The following FLRT1 variants were observed in gnomAD, a reference collection of about 807,000 sequenced individuals.
FLRT1 encodes leucine-rich repeat transmembrane protein FLRT1.
Under a neutral mutation model 30.9 loss-of-function variants are expected in FLRT1, and 14 were observed. The ratio of observed to expected loss-of-function variants is 0.45; its 90% CI spans 0.30 to 0.71. The LOEUF is 0.71. Ranked by LOEUF, FLRT1 falls within the 30% of genes least tolerant of loss-of-function variation. The pLI is 0.08. For missense variants in FLRT1, 737 were observed against 949.2 expected (o/e 0.78, Z 2.94); for synonymous variants, 368 against 430.4 (o/e 0.85, Z 1.80).
intron 2 of FLRT1, among the ~76,000 whole-genome samples, chr11:64,108,822 G>A (rs1944809707): frequency 6.6e-6 from 1 of 152,210 alleles, no homozygotes; most frequent in East Asian, 1.9e-4. Context: ...CCCCACCTGG[G>A]GGCTGGGAAG....
intron 1 of FLRT1, among the ~76,000 whole-genome samples, chr11:64,102,147 A>G (rs969549437): frequency 6.6e-6 from 1 of 152,234 alleles, no homozygotes. Context: ...TCTGATTTCA[A>G]ACCAGAGTGA....
chr11:64,100,276 T>C (rs565651649), intron 1 of FLRT1, among the ~76,000 whole-genome samples: 4 of 152,146 alleles, frequency 2.6e-5, no homozygotes, highest in African/African-American at 4.8e-5. Context: ...AGATGTGAGA[T>C]TGGGCACTTG....
chr11:64,087,631 C>T (rs1473161761), intron 1 of FLRT1, among the ~76,000 whole-genome samples: 1 of 152,232 alleles, frequency 6.6e-6, no homozygotes, highest in Non-Finnish European at 1.5e-5. Flanking sequence ...GCGGCCCCAG[C>T]CACCCTGCAG....
intron 1 of FLRT1, among the ~76,000 whole-genome samples, chr11:64,044,762 A>T (rs1456236859): frequency 6.6e-6 from 1 of 152,070 alleles, no homozygotes; most frequent in Non-Finnish European, 1.5e-5. Context: ...GGTATCTGTC[A>T]TGCTCCCCCC....
chr11:64,069,265 C>T (rs765995525), intron 1 of FLRT1, among the ~76,000 whole-genome samples: 4 of 152,236 alleles, frequency 2.6e-5, no homozygotes, highest in Non-Finnish European at 5.9e-5. Context: ...ACACCGGAGA[C>T]AGCTCTGAAC....
chr11:64,096,160 G>A lies in FLRT1; in HGVS notation c.-1037-7034G>A, dbSNP rs529273998. 1.4e-3 allele frequency among the ~76,000 whole-genome samples: 220 copies of A among 152,372 alleles called. No individual in the cohort carries two copies. Among genetic ancestry groups the A allele is most frequent in the African/African-American group, 4.9e-3 (205 of 41,598 alleles). Reference sequence around the variant, plus strand: ...GGCCAGGAGGGGACCAGGGCTGCCCGCCGGCTCCACCACCTGCCTTGGCCA... The same window carrying A: ...GGCCAGGAGGGGACCAGGGCTGCCCACCGGCTCCACCACCTGCCTTGGCCA... On this transcript the variant is annotated intron_variant, in intron 1 of 2. Coordinates refer to ENST00000682287, the MANE Select transcript of FLRT1 (RefSeq NM_013280.5). The surrounding 1 kb of genome is among the most constrained non-coding windows in gnomAD (Gnocchi z 4.6).
intron 1 of FLRT1, among the ~76,000 whole-genome samples, chr11:64,095,530 T>C (rs947383288): frequency 6.6e-6 from 1 of 152,188 alleles, no homozygotes; most frequent in Non-Finnish European, 1.5e-5. Context: ...AGAGGGCACC[T>C]GTCCCTGGGG....
chr11:64,066,956 C>T (rs527852046), intron 1 of FLRT1, among the ~76,000 whole-genome samples: 9 of 152,302 alleles, frequency 5.9e-5, no homozygotes, highest in Admixed American at 3.9e-4. Context: ...CAGTGCGCTA[C>T]GGAGGGTCAC....
intron 1 of FLRT1, among the ~76,000 whole-genome samples, chr11:64,047,282 TG>T: frequency 6.6e-6 from 1 of 151,960 alleles, no homozygotes; most frequent in South Asian, 2.1e-4. Context: ...CCGAGATAAA[TG>T]GCTTTCTTTG....
intron 1 of FLRT1, among the ~76,000 whole-genome samples, chr11:64,073,372 A>G (rs1164767754): frequency 6.6e-6 from 1 of 152,154 alleles, no homozygotes; most frequent in African/African-American, 2.4e-5. Context: ...AGCCCAGACC[A>G]GACTTGGGGG....
intron 1 of FLRT1, among the ~76,000 whole-genome samples, chr11:64,089,246 C>T (rs1192081428): frequency 1.3e-5 from 2 of 152,144 alleles, no homozygotes; most frequent in Non-Finnish European, 2.9e-5. Flanking sequence ...GCCCCGGGCT[C>T]TGGGTGGGGG....
chr11:64,069,797 C>T (rs1023823338), intron 1 of FLRT1, among the ~76,000 whole-genome samples: 2 of 152,204 alleles, frequency 1.3e-5, no homozygotes, highest in African/African-American at 4.8e-5. Context: ...CCACTGCAGA[C>T]GCAGCAGACG....
intron 1 of FLRT1, among the ~76,000 whole-genome samples, chr11:64,047,044 C>T (rs559112661): frequency 1.3e-5 from 2 of 152,176 alleles, no homozygotes; most frequent in Non-Finnish European, 2.9e-5. Flanking sequence ...CCCCAGTGCC[C>T]CCCCCGGCTA....
chr11:64,105,207 C>T (rs1238371269), intron 2 of FLRT1, among the ~76,000 whole-genome samples: 1 of 152,206 alleles, frequency 6.6e-6, no homozygotes, highest in Non-Finnish European at 1.5e-5. Flanking sequence ...CGTGCCTGAG[C>T]CGGAGCTGGG....
chr11:64,099,939 G>A (rs1944642693), intron 1 of FLRT1, among the ~76,000 whole-genome samples: 1 of 152,294 alleles, frequency 6.6e-6, no homozygotes, highest in African/African-American at 2.4e-5. Context: ...GTGCACAAGA[G>A]AGCCTCAGGA....
At chr11:64,101,770 T>G (rs1944675717) in intron 1 of FLRT1, among the ~76,000 whole-genome samples, 1 of 152,226 alleles carries the variant, frequency 6.6e-6, no homozygotes, top group Non-Finnish European at 1.5e-5. Context: ...CCAGGGCCTG[T>G]GCCCCACCTG....
At chr11:64,056,090 G>C (rs1943780428) in intron 1 of FLRT1, among the ~76,000 whole-genome samples, 1 of 152,218 alleles carries the variant, frequency 6.6e-6, no homozygotes, top group African/African-American at 2.4e-5. Context: ...GGAGGAGGAA[G>C]GGAGCTTGGA....
At chr11:64,076,377 C>T (rs1032431854) in intron 1 of FLRT1, among the ~76,000 whole-genome samples, 3 of 152,100 alleles carry the variant, frequency 2.0e-5, no homozygotes, top group African/African-American at 7.2e-5. Flanking sequence ...GCCTGGAGAC[C>T]GTGATTGTCT....
intron 1 of FLRT1, among the ~76,000 whole-genome samples, chr11:64,040,474 C>G (rs1943463922): frequency 1.3e-5 from 2 of 152,156 alleles, no homozygotes; most frequent in African/African-American, 4.8e-5. Flanking sequence ...TGTGGCCCAT[C>G]CATCCCCAGC....
Sources: gnomAD v4.1 joint callset for allele counts (sites outside exome capture counted in the v4.1 genomes callset) on GRCh38, gnomAD v4.1.1 for gene constraint, Gnocchi (gnomAD v3.1) non-coding constraint, MANE v1.5 for transcripts, NCBI Gene and HGNC (gene_info 2026-07-23, HGNC 2026-07-21) for gene names.